The following GTF2F2 variants were observed in gnomAD, a reference collection of about 807,000 sequenced individuals.
The protein encoded by GTF2F2 is ATP-dependent helicase GTF2F2.
GTF2F2 carries 23 observed loss-of-function variants against 42.2 expected under a neutral mutation model. The observed-to-expected ratio is 0.55, with a 90% CI of 0.39 to 0.77. The LOEUF (loss-of-function observed/expected upper bound fraction) is 0.77. GTF2F2 is among the 30% of genes least tolerant of loss of function. The probability of loss-of-function intolerance (pLI) is 0.00; values close to 1 mark genes in which losing one functional copy is unlikely to be tolerated. For missense variants in GTF2F2, 261 were observed against 287.2 expected, an observed-to-expected ratio of 0.91 and a Z score of 0.66; for synonymous variants, 105 against 100.8, an observed-to-expected ratio of 1.04 and a Z score of -0.25.
intron 7 of GTF2F2, among the ~76,000 whole-genome samples, chr13:45,276,083 C>T (rs1877022527): frequency 6.6e-6 from 1 of 151,978 alleles, no homozygotes; most frequent in South Asian, 2.1e-4. Context: ...GGAATAGTGA[C>T]CCAAAAAAGT....
At chr13:45,272,458 G>A (rs926034830) in intron 7 of GTF2F2, among the ~76,000 whole-genome samples, 2 of 126,278 alleles carry the variant, frequency 1.6e-5, no homozygotes, top group Non-Finnish European at 3.2e-5. Context: ...AAAAAACAGG[G>A]TCTGAACAGG....
chr13:45,212,447 G>T (rs964777135), intron 5 of GTF2F2, among the ~76,000 whole-genome samples: 66 of 45,682 alleles, frequency 1.4e-3, no homozygotes, highest in East Asian at 9.8e-3. Context: ...TTTCTTTCTT[G>T]TTTCTTTCTT....
intron 5 of GTF2F2, among the ~76,000 whole-genome samples, chr13:45,222,726 T>C (rs1483614923): frequency 6.6e-6 from 1 of 152,216 alleles, no homozygotes; most frequent in Non-Finnish European, 1.5e-5. Context: ...AATGAAAAGA[T>C]GAATAAGACA....
At chr13:45,229,993 A>G (rs1359892859) in intron 5 of GTF2F2, among the ~76,000 whole-genome samples, 1 of 152,190 alleles carries the variant, frequency 6.6e-6, no homozygotes, top group African/African-American at 2.4e-5. Flanking sequence ...AGGTGGGCAG[A>G]TCGCTTGAGG....
chr13:45,224,384 T>G (rs1874243223), intron 5 of GTF2F2, among the ~76,000 whole-genome samples: 1 of 152,214 alleles, frequency 6.6e-6, no homozygotes, highest in Admixed American at 6.5e-5. Context: ...GAAGACTGAA[T>G]AGACTCTGAG....
chr13:45,262,864 C>A (rs758103512), intron 6 of GTF2F2, among the ~76,000 whole-genome samples: 4 of 152,094 alleles, frequency 2.6e-5, no homozygotes, highest in Non-Finnish European at 2.9e-5. Flanking sequence ...CCTGCCTTAG[C>A]CTCCTGAGTG....
chr13:45,238,341 G>A (rs565748089), intron 5 of GTF2F2, among the ~76,000 whole-genome samples: 10 of 152,274 alleles, frequency 6.6e-5, no homozygotes, highest in African/African-American at 2.2e-4. Flanking sequence ...ATCATGGAAA[G>A]AATAGCCACT....
intron 4 of GTF2F2, among the ~76,000 whole-genome samples, chr13:45,159,214 C>T (rs774883127): frequency 3.9e-5 from 6 of 152,190 alleles, no homozygotes; most frequent in Non-Finnish European, 8.8e-5. Context: ...GTACCAATTA[C>T]ACATATGACT....
chr13:45,153,260 C>T (rs570959714), intron 4 of GTF2F2, among the ~76,000 whole-genome samples: 77 of 152,034 alleles, frequency 5.1e-4, no homozygotes, highest in Admixed American at 2.6e-3. Context: ...CCTCGTGATC[C>T]GCCCGCCTCG....
intron 2 of GTF2F2, among the ~76,000 whole-genome samples, chr13:45,142,664 A>G (rs927576038): frequency 1.3e-5 from 2 of 152,222 alleles, no homozygotes. Context: ...TATAGTAATT[A>G]GTACCCTAAG....
chr13:45,150,731 A>G (rs1429266179), intron 3 of GTF2F2, among the ~76,000 whole-genome samples: 1 of 129,458 alleles, frequency 7.7e-6, no homozygotes, highest in Admixed American at 7.9e-5. Flanking sequence ...TTTAGTAGAG[A>G]CAACGTTTTG....
intron 4 of GTF2F2, among the ~76,000 whole-genome samples, chr13:45,171,528 A>G (rs1001190223): frequency 6.6e-6 from 1 of 152,176 alleles, no homozygotes; most frequent in Non-Finnish European, 1.5e-5. Flanking sequence ...TTTCTATCTG[A>G]AGTTAGGAAG....
chr13:45,202,861 G>A (rs1191383596), intron 4 of GTF2F2, among the ~76,000 whole-genome samples: 1 of 152,176 alleles, frequency 6.6e-6, no homozygotes, highest in African/African-American at 2.4e-5. Context: ...GCTGAGGCAT[G>A]AGAATTGCTT....
At chr13:45,276,534 T>G (rs1877044002) in intron 7 of GTF2F2, among the ~76,000 whole-genome samples, 1 of 152,062 alleles carries the variant, frequency 6.6e-6, no homozygotes, top group Non-Finnish European at 1.5e-5. Flanking sequence ...CCTCCCGAGT[T>G]CAAGTGATTC....
chr13:45,147,669 T>C (rs1227787542), intron 2 of GTF2F2, among the ~76,000 whole-genome samples: 1 of 152,226 alleles, frequency 6.6e-6, no homozygotes, highest in Non-Finnish European at 1.5e-5. Flanking sequence ...CATTTTAATA[T>C]GTAAAAGACT....
At chr13:45,204,503 T>G (rs1374156911) in intron 4 of GTF2F2, among the ~76,000 whole-genome samples, 2 of 152,218 alleles carry the variant, frequency 1.3e-5, no homozygotes, top group African/African-American at 4.8e-5. Flanking sequence ...GATCTATAAT[T>G]AACAGCAGTA....
intron 5 of GTF2F2, among the ~76,000 whole-genome samples, chr13:45,234,758 A>G (rs9534072): frequency 0.36 from 54,854 of 152,044 alleles, 13,634 homozygotes; most frequent in African/African-American, 0.71. Context: ...TTACAAAAAG[A>G]TGGTCATGCC....
At chr13:45,167,116 T>G (rs1022046963) in intron 4 of GTF2F2, among the ~76,000 whole-genome samples, 2 of 151,508 alleles carry the variant, frequency 1.3e-5, no homozygotes, top group African/African-American at 4.8e-5. Context: ...TTTAAAGAAC[T>G]TCGTGTATGT....
chr13:45,226,800 T>C (rs1200900823), intron 5 of GTF2F2, among the ~76,000 whole-genome samples: 1 of 152,226 alleles, frequency 6.6e-6, no homozygotes, highest in Admixed American at 6.5e-5. Context: ...AGTTGCAGTA[T>C]ATAGTTTTCT....
Sources: gnomAD v4.1 joint callset for allele counts (sites outside exome capture counted in the v4.1 genomes callset) on GRCh38, gnomAD v4.1.1 for gene constraint, MANE v1.5 for transcripts, NCBI Gene and HGNC (gene_info 2026-07-23, HGNC 2026-07-21) for gene names.